Variants in CCDC144A observed in about 807,000 individuals in gnomAD.
CCDC144A encodes coiled-coil domain containing 144A.
CCDC144A carries 41 observed loss-of-function variants against 143.8 expected under a neutral mutation model. The observed-to-expected ratio is 0.29, with a 90% CI of 0.22 to 0.37. CCDC144A has a LOEUF of 0.37. Among genes scored for constraint, CCDC144A ranks in the 10% least tolerant of loss-of-function variants. The pLI, the probability that CCDC144A is intolerant of heterozygous loss-of-function variation, is 1.00. For missense variants in CCDC144A, 637 were observed against 1,488.8 expected (o/e 0.43, Z 9.41); for synonymous variants, 242 against 517.9 (o/e 0.47, Z 7.23).
chr17:16,699,486 C>T (rs1397843043), intron 2 of CCDC144A, among the ~76,000 whole-genome samples: 3 of 82,904 alleles, frequency 3.6e-5, no homozygotes, highest in African/African-American at 1.0e-4. Flanking sequence ...CACCATTCTC[C>T]TGCCTCAGCC....
chr17:16,696,234 C>G (rs1394695315), intron 2 of CCDC144A, among the ~76,000 whole-genome samples: 2 of 151,832 alleles, frequency 1.3e-5, no homozygotes, highest in South Asian at 2.1e-4. Flanking sequence ...AGGCTGGTCT[C>G]AAACTCCTGA....
At position 16,703,821 on chromosome 17, in the gene CCDC144A, C is replaced by CAA. The variant is rs893267374; in HGVS notation, c.416-1324_416-1323dup. ...CCATCTCAAAAAACAAACAAACGAA[C>CAA]AAAAAAACACAAGCACGCACAGCCA... On this transcript the variant is annotated intron_variant, in intron 2 of 16. Coordinates refer to ENST00000399273, the MANE Select transcript of CCDC144A (RefSeq NM_001382000.1). 2.0e-5 allele frequency among the ~76,000 whole-genome samples: 3 copies of CAA among 151,856 alleles called. No homozygotes were observed. The South Asian group carries it at 6.2e-4, about 32-fold the overall frequency.
the CCDC144A span, among the ~76,000 whole-genome samples, chr17:16,668,737 C>T: frequency 1.9e-4 from 29 of 152,280 alleles, no homozygotes; most frequent in African/African-American, 6.5e-4. Context: ...TAACAAAATA[C>T]TATAAACTGG....
Position 16,732,664 on chromosome 17 carries a change from G to A in CCDC144A, c.2416G>A (p.Glu806Lys). ...AATGGCTCGAAAGAAAATGAATTCT[G>A]AGGTATTTTCTTTAGTCATTTTCAA... ...LEMARKKMNS[E>K]ISHRHQKEKD... Residue 806 changes from glutamate to lysine, a missense_variant and splice_region_variant, in exon 11 of 17, where the codon GAG (glutamate) becomes AAG (lysine). Coordinates refer to ENST00000399273, the MANE Select transcript of CCDC144A (RefSeq NM_001382000.1). 1 of 1,602,366 alleles carries A rather than the reference G, an allele frequency of 6.2e-7. No homozygotes were observed. Among genetic ancestry groups the A allele is most frequent in the Non-Finnish European group, 8.5e-7 (1 of 1,175,750 alleles).
At chr17:16,708,373 T>C (rs1333432132) in intron 4 of CCDC144A, among the ~76,000 whole-genome samples, 1 of 152,166 alleles carries the variant, frequency 6.6e-6, no homozygotes, top group Non-Finnish European at 1.5e-5. Context: ...TAGTAATATA[T>C]AGTACTTACA....
intron 6 of CCDC144A, among the ~76,000 whole-genome samples, chr17:16,718,212 C>A (rs1217142820): frequency 6.6e-6 from 1 of 152,104 alleles, no homozygotes; most frequent in Admixed American, 6.6e-5. Flanking sequence ...GGAATCCTGA[C>A]TGTAGTGGAT....
the CCDC144A span, among the ~76,000 whole-genome samples, chr17:16,683,262 C>T: frequency 1.3e-5 from 2 of 152,034 alleles, no homozygotes; most frequent in Admixed American, 6.6e-5. Flanking sequence ...CCACCATCTA[C>T]CTATTTCTAA....
chr17:16,757,896 T>A (rs1915173557), intron 12 of CCDC144A, among the ~76,000 whole-genome samples: 1 of 152,170 alleles, frequency 6.6e-6, no homozygotes, highest in Non-Finnish European at 1.5e-5. Context: ...TTTGGGGGAA[T>A]CGGTCCTGGT....
the CCDC144A span, among the ~76,000 whole-genome samples, chr17:16,669,092 T>A: frequency 6.6e-6 from 1 of 151,940 alleles, no homozygotes; most frequent in Non-Finnish European, 1.5e-5. Context: ...AATTATCTTT[T>A]GGGTACTTAT....
At chr17:16,751,492 GT>G (rs1053278996) in intron 12 of CCDC144A, among the ~76,000 whole-genome samples, 2 of 152,212 alleles carry the variant, frequency 1.3e-5, no homozygotes, top group African/African-American at 4.8e-5. Flanking sequence ...AGGGGGAAAA[GT>G]AGGATTGTGA....
chr17:16,686,558 C>A (rs1304611604), upstream of CCDC144A, among the ~76,000 whole-genome samples: 3 of 151,824 alleles, frequency 2.0e-5, no homozygotes, highest in Admixed American at 6.6e-5. Context: ...GTAATCCCAG[C>A]ACTTTGGGAG....
Position 16,707,494 on chromosome 17 carries a change from A to G in CCDC144A, c.690A>G (p.Ser230=), listed in dbSNP as rs1209817409. ...KEAEQDSELT[S]EEEQERLKGC... ...CAGAACAAGACTCGGAGCTGACATC[A>G]GAGGAAGAGCAAGAAAGACTTAAAG... The change falls in exon 4 of 17, where the codon TCA becomes TCG. Residue 230 remains serine (S), a synonymous_variant. Coordinates refer to ENST00000399273, the MANE Select transcript of CCDC144A (RefSeq NM_001382000.1). 6.2e-7 allele frequency: 1 copy of G among 1,608,086 alleles called. No individual in the cohort carries two copies. Among genetic ancestry groups the G allele is most frequent in the Non-Finnish European group, 8.5e-7 (1 of 1,178,130 alleles).
intron 9 of CCDC144A, among the ~76,000 whole-genome samples, chr17:16,730,137 C>T (rs1302849293): frequency 4.0e-5 from 5 of 124,270 alleles, no homozygotes; most frequent in African/African-American, 1.6e-4. Context: ...CATGTTAGGC[C>T]TAATCCATCT....
chr17:16,684,338 A>T, the CCDC144A span: 4 of 694,126 alleles, frequency 5.8e-6, no homozygotes, highest in Non-Finnish European at 1.0e-5. Flanking sequence ...AATTTCCATG[A>T]AGTTAATATC....
intron 6 of CCDC144A, among the ~76,000 whole-genome samples, chr17:16,715,131 T>C (rs1384351204): frequency 6.6e-6 from 1 of 151,282 alleles, no homozygotes; most frequent in East Asian, 1.9e-4. Flanking sequence ...TTTAACACTG[T>C]ATATTTTGCC....
At chr17:16,764,213 A>T in intron 15 of CCDC144A, 38 bp downstream of exon 15, 2 of 1,578,528 alleles carry the variant, frequency 1.3e-6, no homozygotes, top group South Asian at 1.2e-5. Context: ...CAGATTTCTG[A>T]TAGAATTCTT....
rs142540431 is a variant in CCDC144A at position 16,704,110 on chromosome 17, A to G, written c.416-1041A>G. Reference sequence around the variant, plus strand: ...CACCCTTTATGGTGAAATGGACTTTAAAGTTTCACTTATGTGTTTTTGGCT... The same window carrying G: ...CACCCTTTATGGTGAAATGGACTTTGAAGTTTCACTTATGTGTTTTTGGCT... On this transcript the variant is annotated intron_variant, in intron 2 of 16. Transcript: ENST00000399273. 9.6e-3 allele frequency among the ~76,000 whole-genome samples: 1,457 copies of G among 152,260 alleles called. 31 individuals are homozygous for G. Among genetic ancestry groups the G allele is most frequent in the African/African-American group, 0.034 (1,396 of 41,540 alleles).
intron 16 of CCDC144A, 71 bp downstream of exon 16, chr17:16,772,090 T>C: frequency 9.5e-7 from 1 of 1,057,538 alleles, no homozygotes. Flanking sequence ...GCAAACGACA[T>C]CCCTTTCCGT....
chr17:16,680,015 A>T, the CCDC144A span, among the ~76,000 whole-genome samples: 1 of 152,134 alleles, frequency 6.6e-6, no homozygotes, highest in Non-Finnish European at 1.5e-5. Flanking sequence ...AATTGAAAAT[A>T]TCTACATATT....
Sources: gnomAD v4.1 joint callset for allele counts (sites outside exome capture counted in the v4.1 genomes callset) on GRCh38, gnomAD v4.1.1 for gene constraint, MANE v1.5 for transcripts, NCBI Gene and HGNC (gene_info 2026-07-23, HGNC 2026-07-21) for gene names.